The following LARGE1 variants were observed in gnomAD, a reference collection of about 807,000 sequenced individuals.
LARGE1 encodes LARGE xylosyl- and glucuronyltransferase 1.
Under a neutral mutation model 87.6 loss-of-function variants are expected in LARGE1, and 43 were observed. The observed-to-expected ratio is 0.49, with a 90% CI of 0.38 to 0.63. LARGE1 has a LOEUF of 0.63. Ranked by LOEUF, LARGE1 falls within the 30% of genes least tolerant of loss-of-function variation. The probability of loss-of-function intolerance (pLI) is 0.00; values close to 1 mark genes in which losing one functional copy is unlikely to be tolerated. For missense variants in LARGE1, 802 were observed against 1,000.2 expected, an observed-to-expected ratio of 0.80 and a Z score of 2.67; for synonymous variants, 434 against 394.6, an observed-to-expected ratio of 1.10 and a Z score of -1.18.
intron 2 of LARGE1, among the ~76,000 whole-genome samples, chr22:33,710,650 G>A (rs917540698): frequency 2.0e-5 from 3 of 152,196 alleles, no homozygotes; most frequent in Non-Finnish European, 4.4e-5. Flanking sequence ...CTGAGCAGAG[G>A]AATAGAATGA....
chr22:33,695,412 C>T (rs1191948158), intron 2 of LARGE1, among the ~76,000 whole-genome samples: 1 of 152,120 alleles, frequency 6.6e-6, no homozygotes, highest in Non-Finnish European at 1.5e-5. Context: ...CAACTGCCAC[C>T]TGATGCAGAT....
At chr22:33,094,567 A>G in the LARGE1 span, among the ~76,000 whole-genome samples, 127,591 of 152,070 alleles carry the variant, frequency 0.84, 54,099 homozygotes, top group East Asian at 1. Context: ...TCCACTTGAC[A>G]TAATGCCTTT....
At chr22:33,236,324 T>C (rs937372007) in intron 11 of LARGE1, among the ~76,000 whole-genome samples, 1 of 152,166 alleles carries the variant, frequency 6.6e-6, no homozygotes, top group Admixed American at 6.5e-5. Flanking sequence ...TGATGAGAGA[T>C]AGTGGTGCCA....
chr22:33,138,531 C>T, the LARGE1 span, among the ~76,000 whole-genome samples: 47 of 152,086 alleles, frequency 3.1e-4, no homozygotes, highest in South Asian at 9.8e-3. Flanking sequence ...GCAACCTCCA[C>T]CTGCTAGGTT....
intron 7 of LARGE1, among the ~76,000 whole-genome samples, chr22:33,399,015 C>T (rs1438409204): frequency 6.6e-6 from 1 of 152,186 alleles, no homozygotes; most frequent in African/African-American, 2.4e-5. Context: ...TGGGATACAA[C>T]ATGCAGGTTT....
At chr22:33,364,779 C>G (rs930382671) in intron 9 of LARGE1, among the ~76,000 whole-genome samples, 7 of 152,182 alleles carry the variant, frequency 4.6e-5, no homozygotes, top group Non-Finnish European at 1.0e-4. Flanking sequence ...TCACTGCATC[C>G]TCTGCCTCCT....
chr22:33,307,126 A>C (rs1935019145), intron 11 of LARGE1, among the ~76,000 whole-genome samples: 1 of 152,170 alleles, frequency 6.6e-6, no homozygotes, highest in Admixed American at 6.5e-5. Context: ...TAATGATGGT[A>C]ATATTTAAAG....
chr22:33,555,726 T>C (rs1204636450), intron 6 of LARGE1, among the ~76,000 whole-genome samples: 3 of 151,978 alleles, frequency 2.0e-5, no homozygotes, highest in Non-Finnish European at 4.4e-5. Context: ...GTCAGGATTT[T>C]GAGACCAGCC....
intron 6 of LARGE1, among the ~76,000 whole-genome samples, chr22:33,553,511 G>C (rs1043202425): frequency 2.6e-5 from 4 of 152,062 alleles, no homozygotes; most frequent in African/African-American, 9.7e-5. Flanking sequence ...ACAAGACCCT[G>C]TCACAAAAAC....
At chr22:33,258,632 T>C (rs946107555) in intron 11 of LARGE1, among the ~76,000 whole-genome samples, 3 of 152,250 alleles carry the variant, frequency 2.0e-5, no homozygotes, top group East Asian at 3.9e-4. Flanking sequence ...GACTTGGGAG[T>C]GTCCTGATAT....
chr22:33,607,317 C>G (rs576200402), intron 4 of LARGE1, among the ~76,000 whole-genome samples: 94 of 152,076 alleles, frequency 6.2e-4, no homozygotes, highest in African/African-American at 2.1e-3. Flanking sequence ...CAAAATTAGC[C>G]AGGCGTGGTG....
chr22:33,199,366 G>C (rs1924252950), intron 11 of LARGE1, among the ~76,000 whole-genome samples: 1 of 152,022 alleles, frequency 6.6e-6, no homozygotes. Flanking sequence ...GTTTAATTAA[G>C]TCCCATTTAT....
chr22:33,673,432 C>T (rs948317493), intron 2 of LARGE1, among the ~76,000 whole-genome samples: 1 of 152,206 alleles, frequency 6.6e-6, no homozygotes, highest in Non-Finnish European at 1.5e-5. Context: ...AACTCCACAT[C>T]CCAAACTCTC....
chr22:33,885,498 TAAG>T (rs1388492252), intron 1 of LARGE1, among the ~76,000 whole-genome samples: 2 of 152,246 alleles, frequency 1.3e-5, no homozygotes, highest in African/African-American at 4.8e-5. Context: ...ATCAGTATCA[TAAG>T]GCAGCCTTAC....
intron 13 of LARGE1, 112 bp downstream of exon 13, chr22:33,283,090 A>G (rs950828374): frequency 4.4e-6 from 6 of 1,361,424 alleles, no homozygotes; most frequent in African/African-American, 4.3e-5. Flanking sequence ...CTGGCCTCAC[A>G]ATGGACTAAG....
At chr22:33,311,769 A>C (rs1935623650) in intron 11 of LARGE1, among the ~76,000 whole-genome samples, 1 of 152,222 alleles carries the variant, frequency 6.6e-6, no homozygotes, top group Non-Finnish European at 1.5e-5. Flanking sequence ...GTTCAGATCT[A>C]GCCAGTATTT....
intron 5 of LARGE1, chr22:33,572,253 T>C: frequency 1.6e-6 from 2 of 1,262,534 alleles, no homozygotes; most frequent in Non-Finnish European, 2.1e-6. Context: ...TTGCCTTTCA[T>C]GTTGTTTCTG....
At chr22:33,555,683 C>T (rs111924838) in intron 6 of LARGE1, among the ~76,000 whole-genome samples, 1,686 of 152,174 alleles carry the variant, frequency 0.011, 17 homozygotes, top group Middle Eastern at 0.027. Flanking sequence ...AATCCTAGCA[C>T]TTTGGGTGGC....
At chr22:33,697,570 A>AAAAAAG (rs1556001717) in intron 2 of LARGE1, among the ~76,000 whole-genome samples, 5 of 150,826 alleles carry the variant, frequency 3.3e-5, no homozygotes, top group Non-Finnish European at 7.4e-5. Context: ...AAAAAAAAAA[A>AAAAAAG]GGAAATACAT....
Sources: allele counts gnomAD v4.1 joint callset (sites outside exome capture counted in the v4.1 genomes callset), GRCh38; gene constraint gnomAD v4.1.1; transcripts MANE v1.5; gene names NCBI Gene and HGNC (gene_info 2026-07-23, HGNC 2026-07-21).